Variants in GRID1 observed in about 807,000 individuals in gnomAD.
GRID1 encodes glutamate receptor ionotropic, delta-1.
A neutral mutation model predicts 98.0 loss-of-function variants in GRID1; 28 were observed. The observed-to-expected ratio is 0.29, with a 90% CI of 0.21 to 0.39. GRID1 has a LOEUF of 0.39. Among genes scored for constraint, GRID1 ranks in the 10% least tolerant of loss-of-function variants. GRID1 has a pLI of 1.00. For missense variants in GRID1, 1,111 were observed against 1,340.5 expected (o/e 0.83, Z 2.67); for synonymous variants, 553 against 538.5 (o/e 1.03, Z -0.37).
intron 15 of GRID1, among the ~76,000 whole-genome samples, chr10:85,603,886 C>T (rs576819943): frequency 4.6e-5 from 7 of 152,204 alleles, no homozygotes; most frequent in Non-Finnish European, 1.0e-4. Flanking sequence ...ATCCCCTGTC[C>T]ACCTTGCAGG....
intron 2 of GRID1, among the ~76,000 whole-genome samples, chr10:86,275,108 T>C (rs187382947): frequency 6.6e-6 from 1 of 152,336 alleles, no homozygotes; most frequent in Admixed American, 6.5e-5. Context: ...CTTATTTGTT[T>C]GTTGTTGTTG....
intron 4 of GRID1, among the ~76,000 whole-genome samples, chr10:85,975,557 G>A (rs928337210): frequency 9.2e-5 from 14 of 152,210 alleles, no homozygotes; most frequent in Non-Finnish European, 1.5e-5. Flanking sequence ...CTGTGGTTGG[G>A]ATCAACTGGA....
rs114770710 is a variant in GRID1, at chr10:85,725,143, A to G, written c.1534-467T>C. Among the ~76,000 whole-genome samples, 255 of 152,224 alleles carry G rather than the reference A, an allele frequency of 1.7e-3. 2 individuals carry two copies. Among genetic ancestry groups the G allele is most frequent in the African/African-American group, 5.7e-3 (237 of 41,544 alleles). On this transcript the variant is annotated intron_variant, in intron 10 of 15. Coordinates refer to ENST00000327946, the MANE Select transcript of GRID1 (RefSeq NM_017551.3). ...CACCTCTCAGACTCTATTATCCCAC[A>G]TTGATCTTTCTCTTTTCTAAAACAC...
Position 85,687,081 on chromosome 10 carries a change from C to T in GRID1, c.1997+35922G>A, listed in dbSNP as rs185524701. On this transcript the variant is annotated intron_variant, in intron 12 of 15. Coordinates refer to ENST00000327946, the MANE Select transcript of GRID1 (RefSeq NM_017551.3). ...CAGTGGAGATTAAAATACTTGAACCCGATAGTTGAAAGTACTGCAACTTCT... is the reference window on the plus strand; with the variant it reads ...CAGTGGAGATTAAAATACTTGAACCTGATAGTTGAAAGTACTGCAACTTCT... Among the ~76,000 whole-genome samples the T allele has an allele frequency of 8.9e-4, 135 of 152,094 alleles. 1 individual carries two copies. In the East Asian group the frequency reaches 0.012, roughly 13 times the overall value.
intron 4 of GRID1, among the ~76,000 whole-genome samples, chr10:85,983,569 T>C (rs1048683830): frequency 6.6e-6 from 1 of 152,184 alleles, no homozygotes; most frequent in Non-Finnish European, 1.5e-5. Flanking sequence ...GCAGGGGATG[T>C]GGCCTGGAGA....
At chr10:85,620,106 T>C (rs1842842706) in intron 13 of GRID1, 73 bp from the exon 14 acceptor site, 1 of 1,307,506 alleles carries the variant, frequency 7.6e-7, no homozygotes, top group Admixed American at 1.8e-5. Flanking sequence ...TGAGCCATCT[T>C]GATGGTGGGA....
chr10:86,254,634 T>C (rs571176494), intron 2 of GRID1, among the ~76,000 whole-genome samples: 1 of 152,242 alleles, frequency 6.6e-6, no homozygotes, highest in African/African-American at 2.4e-5. Flanking sequence ...GGATGATTCA[T>C]GCAGCTGGGG....
intron 5 of GRID1, among the ~76,000 whole-genome samples, chr10:85,915,506 C>T (rs543843772): frequency 2.0e-4 from 30 of 147,122 alleles, no homozygotes; most frequent in Middle Eastern, 3.5e-3. Flanking sequence ...TTTATACATG[C>T]ACACACACAC....
chr10:85,714,824 T>G (rs566865844), intron 12 of GRID1, among the ~76,000 whole-genome samples: 1 of 152,160 alleles, frequency 6.6e-6, no homozygotes, highest in South Asian at 2.1e-4. Flanking sequence ...CCACCCAAAG[T>G]GATCTATAGA....
At chr10:86,034,123 A>AT (rs953999704) in intron 4 of GRID1, among the ~76,000 whole-genome samples, 6 of 152,174 alleles carry the variant, frequency 3.9e-5, no homozygotes, top group African/African-American at 1.4e-4. Context: ...TTAATATTCG[A>AT]TTTTTTTAAT....
intron 2 of GRID1, among the ~76,000 whole-genome samples, chr10:86,243,661 C>T (rs1413031918): frequency 6.6e-6 from 1 of 152,132 alleles, no homozygotes; most frequent in Non-Finnish European, 1.5e-5. Context: ...CAAAAATAGT[C>T]TGAGTGAGGG....
intron 12 of GRID1, among the ~76,000 whole-genome samples, chr10:85,715,331 G>A (rs1264339007): frequency 6.6e-6 from 1 of 152,104 alleles, no homozygotes; most frequent in East Asian, 1.9e-4. Context: ...TGATTTTTTG[G>A]ATGTGACCCA....
At chr10:85,841,068 A>G (rs183116322) in intron 8 of GRID1, among the ~76,000 whole-genome samples, 3 of 152,334 alleles carry the variant, frequency 2.0e-5, no homozygotes, top group African/African-American at 7.2e-5. Flanking sequence ...TGGAGGTATC[A>G]GGGTACCCTA....
chr10:86,326,689 C>A (rs72845112), intron 2 of GRID1, among the ~76,000 whole-genome samples: 1 of 152,162 alleles, frequency 6.6e-6, no homozygotes, highest in African/African-American at 2.4e-5. Context: ...AATCAGGGAG[C>A]TGAAGTCCCA....
intron 8 of GRID1, among the ~76,000 whole-genome samples, chr10:85,795,712 C>A (rs955613644): frequency 6.6e-6 from 1 of 152,128 alleles, no homozygotes; most frequent in Non-Finnish European, 1.5e-5. Flanking sequence ...CCATAATGCC[C>A]ACCAGCAAAG....
chr10:85,636,406 T>C (rs1352869655), intron 13 of GRID1, among the ~76,000 whole-genome samples: 2 of 152,206 alleles, frequency 1.3e-5, no homozygotes, highest in African/African-American at 4.8e-5. Flanking sequence ...TGCAGAAATC[T>C]ATATTTAAGG....
intron 3 of GRID1, among the ~76,000 whole-genome samples, chr10:86,143,290 C>T (rs1387731801): frequency 1.3e-5 from 2 of 152,202 alleles, no homozygotes; most frequent in African/African-American, 4.8e-5. Context: ...CTGCAGCCCT[C>T]CTGCCACTCT....
chr10:85,745,467 C>G (rs868773154), intron 8 of GRID1, among the ~76,000 whole-genome samples: 1 of 126,106 alleles, frequency 7.9e-6, no homozygotes, highest in Admixed American at 8.4e-5. Flanking sequence ...TAAACTATCG[C>G]AAGAACGAAA....
chr10:86,149,971 G>A (rs779277620), intron 3 of GRID1, among the ~76,000 whole-genome samples: 9 of 152,164 alleles, frequency 5.9e-5, no homozygotes, highest in Non-Finnish European at 1.3e-4. Flanking sequence ...ATATTTTTAA[G>A]GAATCCATAA....
Sources: gnomAD v4.1 joint callset for allele counts (sites outside exome capture counted in the v4.1 genomes callset) on GRCh38, gnomAD v4.1.1 for gene constraint, MANE v1.5 for transcripts, NCBI Gene and HGNC (gene_info 2026-07-23, HGNC 2026-07-21) for gene names.